ZRANB1: variants seen among roughly 807,000 people sequenced by gnomAD.
The protein encoded by ZRANB1 is ubiquitin thioesterase ZRANB1.
Under a neutral mutation model 80.5 loss-of-function variants are expected in ZRANB1, and 16 were observed. The ratio of observed to expected loss-of-function variants is 0.20; its 90% CI spans 0.13 to 0.30. The LOEUF is 0.30. Among genes scored for constraint, ZRANB1 ranks in the 10% least tolerant of loss-of-function variants. The pLI, the probability that ZRANB1 is intolerant of heterozygous loss-of-function variation, is 1.00. For missense variants in ZRANB1, 576 were observed against 862.6 expected (o/e 0.67, Z 4.16); for synonymous variants, 291 against 293.1 (o/e 0.99, Z 0.07).
At chr10:124,978,793 A>ATTTTTTTTTTTTT (rs35714295) in intron 5 of ZRANB1, among the ~76,000 whole-genome samples, 9 of 115,436 alleles carry the variant, frequency 7.8e-5, no homozygotes, top group African/African-American at 2.2e-4. Context: ...TTCCCAGCTA[A>ATTTTTTTTTTTTT]TTTTTTTTTT....
At chr10:124,948,059 C>A (rs542673576) in intron 1 of ZRANB1, among the ~76,000 whole-genome samples, 2 of 152,082 alleles carry the variant, frequency 1.3e-5, no homozygotes, top group Non-Finnish European at 2.9e-5. Flanking sequence ...GAACTGTGCG[C>A]GTCCACTTAT....
chr10:124,942,633 G>C lies in ZRANB1; in HGVS notation c.140G>C (p.Ser47Thr). The change falls in exon 1 of 9, where the codon AGT becomes ACT. Residue 47 changes from serine to threonine, a missense_variant. By Grantham distance (58) the Ser-to-Thr change is moderately conservative (BLOSUM62 1). Around this residue, in one of 3 missense-constraint regions of ZRANB1, gnomAD observed 411 missense variants for 583.1 expected, o/e 0.70. Coordinates refer to ENST00000359653, the MANE Select transcript of ZRANB1 (RefSeq NM_017580.3). Reference sequence around the variant, plus strand: ...GAAGATCCATTTAAAAGTGGTTCAAGTGATGTTGGTAGAGATTGGGATCCT... The same window carrying C: ...GAAGATCCATTTAAAAGTGGTTCAACTGATGTTGGTAGAGATTGGGATCCT... ...ITEDPFKSGSSDVGRDWDPSS... is the reference protein window; with the variant it reads ...ITEDPFKSGSTDVGRDWDPSS... 1 of 1,614,234 alleles carries C rather than the reference G, an allele frequency of 6.2e-7. No individual in the cohort carries two copies. Among genetic ancestry groups the C allele is most frequent in the East Asian group, 2.2e-5 (1 of 44,882 alleles).
chr10:124,988,030 GTAGAT>G lies in ZRANB1; in HGVS notation c.*3041_*3045del, dbSNP rs899310364. On this transcript the variant is annotated 3_prime_UTR_variant, in exon 9 of 9. Coordinates refer to ENST00000359653, the MANE Select transcript of ZRANB1 (RefSeq NM_017580.3). The stretch of plus-strand genomic sequence containing the variant: ...CAGGTCCAGGTCATTTTGCTTTGGG[GTAGAT>G]TAAAGTCAGAACTCTAAAAGTTGAG... 8 of 152,390 alleles carry G rather than the reference GTAGAT, an allele frequency of 5.2e-5. No homozygotes were observed. Among genetic ancestry groups the G allele is most frequent in the African/African-American group, 1.2e-4 (5 of 41,316 alleles). The allele number at this position is 152,390 out of a possible 1,614,324, so 9.4% of individuals were successfully genotyped here. A position where few individuals can be genotyped will look rare whatever the true frequency, so the allele number is the denominator to read the frequency against.
chr10:124,974,081 T>G, intron 4 of ZRANB1, 119 bp from the exon 5 acceptor site: 1 of 870,308 alleles, frequency 1.1e-6, no homozygotes, highest in Non-Finnish European at 1.8e-6. Flanking sequence ...TTTATTTAGG[T>G]GTTTATTGGT....
chr10:124,964,284 C>T (rs1204385475), intron 1 of ZRANB1, among the ~76,000 whole-genome samples: 2 of 152,142 alleles, frequency 1.3e-5, no homozygotes, highest in Non-Finnish European at 2.9e-5. Context: ...TTCCAAAGTA[C>T]AGTCTGCTGA....
At chr10:124,933,792 C>G in the ZRANB1 span, among the ~76,000 whole-genome samples, 4 of 152,186 alleles carry the variant, frequency 2.6e-5, no homozygotes, top group Non-Finnish European at 5.9e-5. Flanking sequence ...TCTGCTGAAG[C>G]TCAAGACATA....
the ZRANB1 span, among the ~76,000 whole-genome samples, chr10:124,917,779 G>A: frequency 6.6e-6 from 1 of 152,154 alleles, no homozygotes; most frequent in African/African-American, 2.4e-5. Flanking sequence ...GGGGGACGAC[G>A]AGGCGGGTGG....
chr10:124,931,260 T>C, the ZRANB1 span, among the ~76,000 whole-genome samples: 1 of 152,054 alleles, frequency 6.6e-6, no homozygotes, highest in East Asian at 1.9e-4. Context: ...TTTGTAGAGA[T>C]GGAGTCTCAC....
the ZRANB1 span, among the ~76,000 whole-genome samples, chr10:124,929,877 C>G: frequency 3.5e-4 from 50 of 143,294 alleles, no homozygotes; most frequent in Admixed American, 4.5e-4. Flanking sequence ...ACCTGGGAGG[C>G]AGAGGTTGCA....
intron 1 of ZRANB1, among the ~76,000 whole-genome samples, chr10:124,950,283 C>T (rs1331276552): frequency 6.6e-6 from 1 of 151,906 alleles, no homozygotes; most frequent in East Asian, 1.9e-4. Context: ...CACCACCACG[C>T]CTGGCTAATT....
intron 1 of ZRANB1, among the ~76,000 whole-genome samples, chr10:124,955,604 G>C (rs1012024096): frequency 1.3e-5 from 2 of 152,026 alleles, no homozygotes; most frequent in Non-Finnish European, 2.9e-5. Flanking sequence ...TGTGATTGTG[G>C]GTTTACTTCC....
chr10:124,953,735 C>T (rs546282507), intron 1 of ZRANB1, among the ~76,000 whole-genome samples: 78 of 152,296 alleles, frequency 5.1e-4, no homozygotes, highest in African/African-American at 1.6e-3. Flanking sequence ...GATTGCTTTG[C>T]AGTCATCATT....
chr10:124,919,530 G>A, the ZRANB1 span, among the ~76,000 whole-genome samples: 3 of 151,674 alleles, frequency 2.0e-5, no homozygotes, highest in Non-Finnish European at 4.4e-5. Flanking sequence ...CTGGGCAACG[G>A]AGCAGGACTC....
chr10:124,932,021 C>A, the ZRANB1 span, among the ~76,000 whole-genome samples: 2 of 152,298 alleles, frequency 1.3e-5, no homozygotes, highest in East Asian at 3.9e-4. Context: ...TTACTGTCTT[C>A]ATGTTTTGCC....
intron 2 of ZRANB1, among the ~76,000 whole-genome samples, chr10:124,970,836 T>TTG (rs2133982901): frequency 1.0e-5 from 1 of 99,894 alleles, no homozygotes; most frequent in East Asian, 3.3e-4. Flanking sequence ...CTTTGGGGTT[T>TTG]TTTTTTTTTT....
At chr10:124,961,046 G>C (rs376305556) in intron 1 of ZRANB1, among the ~76,000 whole-genome samples, 1 of 151,392 alleles carries the variant, frequency 6.6e-6, no homozygotes, top group Non-Finnish European at 1.5e-5. Flanking sequence ...TTGTTGTCCA[G>C]GCTGGAGTGC....
intron 5 of ZRANB1, among the ~76,000 whole-genome samples, chr10:124,980,615 T>C (rs1435497254): frequency 6.6e-6 from 1 of 152,244 alleles, no homozygotes; most frequent in Non-Finnish European, 1.5e-5. Context: ...TTTGGAATTA[T>C]GATTAAACAT....
chr10:124,930,042 A>G, the ZRANB1 span, among the ~76,000 whole-genome samples: 4 of 151,950 alleles, frequency 2.6e-5, no homozygotes, highest in African/African-American at 9.7e-5. Context: ...TCCGTACAAA[A>G]CTTAAGTTGA....
the ZRANB1 span, among the ~76,000 whole-genome samples, chr10:124,934,731 TA>T: frequency 6.6e-6 from 1 of 152,104 alleles, no homozygotes; most frequent in South Asian, 2.1e-4. Context: ...AATCTTGAGT[TA>T]GGGGAGAGAT....
Sources: gnomAD v4.1 joint callset for allele counts (sites outside exome capture counted in the v4.1 genomes callset) on GRCh38, gnomAD v4.1.1 for gene constraint, gnomAD v4.1.1 regional missense constraint, MANE v1.5 for transcripts, NCBI Gene and HGNC (gene_info 2026-07-23, HGNC 2026-07-21) for gene names.